PLCB1: variants seen among roughly 807,000 people sequenced by gnomAD.
PLCB1 encodes phospholipase C beta 1.
A neutral mutation model predicts 161.8 loss-of-function variants in PLCB1; 46 were observed. The observed-to-expected ratio is 0.28, with a 90% CI of 0.22 to 0.36. PLCB1 has a LOEUF of 0.36. PLCB1 is among the 10% of genes least tolerant of loss of function. PLCB1 has a pLI of 1.00. For missense variants in PLCB1, 1,016 were observed against 1,472.5 expected (o/e 0.69, Z 5.07); for synonymous variants, 517 against 503.7 (o/e 1.03, Z -0.35).
chr20:8,666,247 C>T (rs1009275327), intron 9 of PLCB1, among the ~76,000 whole-genome samples: 1 of 152,160 alleles, frequency 6.6e-6, no homozygotes, highest in Non-Finnish European at 1.5e-5. Flanking sequence ...TCTCACTTCT[C>T]TTCTCTACTG....
intron 1 of PLCB1, among the ~76,000 whole-genome samples, chr20:8,137,734 C>G (rs1052043830): frequency 6.6e-6 from 1 of 152,202 alleles, no homozygotes; most frequent in Non-Finnish European, 1.5e-5. Flanking sequence ...CCCCAGAATT[C>G]CTGAGTGCTC....
At chr20:8,556,213 C>T (rs1985948541) in intron 3 of PLCB1, among the ~76,000 whole-genome samples, 4 of 152,018 alleles carry the variant, frequency 2.6e-5, no homozygotes, top group Admixed American at 2.0e-4. Flanking sequence ...AGGAGCAGAG[C>T]AGACCTTATT....
At chr20:8,460,810 T>C (rs1168463863) in intron 3 of PLCB1, among the ~76,000 whole-genome samples, 1 of 152,198 alleles carries the variant, frequency 6.6e-6, no homozygotes, top group East Asian at 1.9e-4. Context: ...CTGGGGACTC[T>C]TACTACCATT....
intron 3 of PLCB1, among the ~76,000 whole-genome samples, chr20:8,583,003 AG>A (rs1986882765): frequency 6.6e-6 from 1 of 151,680 alleles, no homozygotes; most frequent in Non-Finnish European, 1.5e-5. Context: ...AAAAAAAAAA[AG>A]AAAAGGAAAA....
intron 2 of PLCB1, chr20:8,249,323 T>C (rs750866899): frequency 6.6e-6 from 1 of 151,982 alleles, no homozygotes; most frequent in South Asian, 2.1e-4. Flanking sequence ...CTAATGTGCC[T>C]CATTTTGGGG....
intron 3 of PLCB1, among the ~76,000 whole-genome samples, chr20:8,414,601 A>C (rs1456354627): frequency 6.6e-6 from 1 of 152,232 alleles, no homozygotes; most frequent in South Asian, 2.1e-4. Context: ...AAAATCAAAG[A>C]AATGTAAAGT....
chr20:8,576,277 G>A (rs1033030603), intron 3 of PLCB1, among the ~76,000 whole-genome samples: 1 of 152,118 alleles, frequency 6.6e-6, no homozygotes, highest in Non-Finnish European at 1.5e-5. Context: ...GGAGTTTGGG[G>A]ACTGTGCTAT....
At chr20:8,753,316 C>T (rs1216325841) in intron 23 of PLCB1, among the ~76,000 whole-genome samples, 1 of 152,124 alleles carries the variant, frequency 6.6e-6, no homozygotes, top group Non-Finnish European at 1.5e-5. Context: ...CCCTCAATAA[C>T]CTCCTCTCCC....
chr20:8,854,002 A>C (rs576113914), intron 31 of PLCB1, among the ~76,000 whole-genome samples: 2 of 152,200 alleles, frequency 1.3e-5, no homozygotes, highest in African/African-American at 4.8e-5. Context: ...ACATTGCCAG[A>C]TCTGCAGTCA....
intron 3 of PLCB1, among the ~76,000 whole-genome samples, chr20:8,438,815 A>G (rs1302897881): frequency 6.6e-6 from 1 of 152,212 alleles, no homozygotes; most frequent in East Asian, 1.9e-4. Flanking sequence ...CAAGAAGAGC[A>G]TCTCCTCAGA....
intron 2 of PLCB1, among the ~76,000 whole-genome samples, chr20:8,278,851 C>A (rs1466268729): frequency 6.6e-6 from 1 of 151,980 alleles, no homozygotes; most frequent in East Asian, 1.9e-4. Context: ...GAAATATATT[C>A]TCCTCCACCC....
chr20:8,548,947 G>A (rs1985672123), intron 3 of PLCB1, among the ~76,000 whole-genome samples: 1 of 152,158 alleles, frequency 6.6e-6, no homozygotes, highest in African/African-American at 2.4e-5. Context: ...TTTCAGTGAA[G>A]CAGTGAGGAT....
intron 31 of PLCB1, among the ~76,000 whole-genome samples, chr20:8,860,919 G>T (rs1987234167): frequency 1.3e-5 from 2 of 152,130 alleles, no homozygotes; most frequent in Admixed American, 6.5e-5. Context: ...TTTCTTAGAG[G>T]TATCAATACC....
Position 8,697,795 on chromosome 20 carries a change from G to C in PLCB1, c.1167+12G>C, listed in dbSNP as rs1442343055. ...AAATATCTTTCAAGGTAGAGTATAT[G>C]AATGTTACTAAGAGAGGCAGCTGGA... On this transcript the variant is annotated intron_variant, in intron 11 of 31. Coordinates refer to ENST00000338037, the MANE Select transcript of PLCB1 (RefSeq NM_015192.4). The C allele has an allele frequency of 6.2e-7, 1 of 1,613,374 alleles. No homozygotes were observed. Among genetic ancestry groups the C allele is most frequent in the Non-Finnish European group, 8.5e-7 (1 of 1,179,444 alleles).
At chr20:8,751,196 G>T (rs1220176436) in intron 23 of PLCB1, 2 of 206,906 alleles carry the variant, frequency 9.7e-6, no homozygotes, top group African/African-American at 4.8e-5. Context: ...CACCCGCCTC[G>T]GCCTCCCAAA....
In PLCB1 at chr20:8,657,431, A is replaced by G; in HGVS notation, c.695+147A>G. 1.2e-5 allele frequency: 8 copies of G among 642,564 alleles called. 1 individual carries two copies. The Admixed American group carries it at 1.3e-4, about 11-fold the overall frequency. 39.8% of individuals were successfully genotyped at this position (642,564 alleles called of 1,614,324 possible). ...ATTCCTGTGTGATGTTTTGGATAGG[A>G]TCACACAATCTTGCCCCTGAGGTGC... On this transcript the variant is annotated intron_variant, in intron 8 of 31. Coordinates refer to ENST00000338037, the MANE Select transcript of PLCB1 (RefSeq NM_015192.4).
intron 9 of PLCB1, among the ~76,000 whole-genome samples, chr20:8,677,926 T>G (rs1281918912): frequency 6.6e-6 from 1 of 152,116 alleles, no homozygotes; most frequent in African/African-American, 2.4e-5. Flanking sequence ...GGGGAAGACA[T>G]GGCATAAATA....
At chr20:8,554,138 A>C (rs1985869895) in intron 3 of PLCB1, among the ~76,000 whole-genome samples, 2 of 152,056 alleles carry the variant, frequency 1.3e-5, no homozygotes, top group Non-Finnish European at 1.5e-5. Flanking sequence ...AATAGCTGAA[A>C]CTCTCATACA....
chr20:8,393,285 T>C (rs562655805), intron 3 of PLCB1, among the ~76,000 whole-genome samples: 86 of 152,306 alleles, frequency 5.6e-4, no homozygotes, highest in African/African-American at 2.0e-3. Context: ...TGAACAGTTA[T>C]TGTATTTTTT....
Sources: gnomAD v4.1 joint callset for allele counts (sites outside exome capture counted in the v4.1 genomes callset) on GRCh38, gnomAD v4.1.1 for gene constraint, MANE v1.5 for transcripts, NCBI Gene and HGNC (gene_info 2026-07-23, HGNC 2026-07-21) for gene names.